The following PKHD1L1 variants were observed in gnomAD, a reference collection of about 807,000 sequenced individuals.
The protein encoded by PKHD1L1 is PKHD1 like 1.
A neutral mutation model predicts 462.9 loss-of-function variants in PKHD1L1; 434 were observed. The ratio of observed to expected loss-of-function variants is 0.94; its 90% CI spans 0.87 to 1.02. The LOEUF (loss-of-function observed/expected upper bound fraction) is 1.02. PKHD1L1 is among the 50% of genes least tolerant of loss of function. PKHD1L1 has a pLI of 0.00. For missense variants in PKHD1L1, 5,202 were observed against 5,096.1 expected, an observed-to-expected ratio of 1.02 and a Z score of -0.63; for synonymous variants, 1,781 against 1,750.0, an observed-to-expected ratio of 1.02 and a Z score of -0.44.
chr8:109,526,682 G>A, intron 76 of PKHD1L1, 102 bp from the exon 77 acceptor site: 1 of 976,522 alleles, frequency 1.0e-6, no homozygotes, highest in African/African-American at 1.7e-5. Flanking sequence ...ATTTCATCAG[G>A]ATCTATATAG....
At chr8:109,499,088 C>T (rs959604501) in intron 67 of PKHD1L1, 1 of 227,944 alleles carries the variant, frequency 4.4e-6, no homozygotes, top group African/African-American at 2.3e-5. Flanking sequence ...ATATTATCAT[C>T]CCTTTTTAAA....
At chr8:109,505,092 G>T (rs1478081051) in intron 68 of PKHD1L1, among the ~76,000 whole-genome samples, 1 of 151,812 alleles carries the variant, frequency 6.6e-6, no homozygotes, top group Non-Finnish European at 1.5e-5. Flanking sequence ...GTCTTTCTAT[G>T]TTTCCCAGGC....
intron 40 of PKHD1L1, among the ~76,000 whole-genome samples, chr8:109,450,586 C>T (rs115973936): frequency 0.024 from 3,619 of 152,186 alleles, 132 homozygotes; most frequent in African/African-American, 0.083. Flanking sequence ...TTTCTGTAGT[C>T]CTTGTCTCTG....
chr8:109,461,135 T>A (rs1817098366), intron 47 of PKHD1L1, among the ~76,000 whole-genome samples: 1 of 152,214 alleles, frequency 6.6e-6, no homozygotes, highest in African/African-American at 2.4e-5. Flanking sequence ...TACATGTCTC[T>A]TTTAAATTTT....
At chr8:109,378,644 GC>G (rs1411454958) in intron 2 of PKHD1L1, among the ~76,000 whole-genome samples, 6 of 152,164 alleles carry the variant, frequency 3.9e-5, no homozygotes, top group Non-Finnish European at 8.8e-5. Context: ...CTGCAAAGTG[GC>G]CCTAAGGCTC....
chr8:109,383,723 A>G lies in PKHD1L1; in HGVS notation c.418-347A>G, dbSNP rs575805240. Among the ~76,000 whole-genome samples the G allele has an allele frequency of 1.0e-3, 153 of 151,774 alleles. 1 individual carries two copies. Among genetic ancestry groups the G allele is most frequent in the African/African-American group, 3.6e-3 (151 of 41,414 alleles). On this transcript the variant is annotated intron_variant, in intron 4 of 77. Transcript: ENST00000378402. ...TTGGTTTTCTGGTATGTCACACCTA[A>G]ATGGTCTTAAAGCGACCTAAATTGA...
chr8:109,470,597 T>C, intron 50 of PKHD1L1: 4 of 1,582,976 alleles, frequency 2.5e-6, no homozygotes, highest in South Asian at 1.2e-5. Context: ...ACTGATGTTG[T>C]TGATAAATTA....
At chr8:109,513,678 C>G (rs113563036) in intron 71 of PKHD1L1, among the ~76,000 whole-genome samples, 3 of 152,010 alleles carry the variant, frequency 2.0e-5, no homozygotes, top group African/African-American at 7.2e-5. Flanking sequence ...CAGCCCCTTC[C>G]CAGGAGACAG....
rs1287494573 is a variant in PKHD1L1 at position 109,444,986 on chromosome 8, A to C, written c.5117A>C (p.Asn1706Thr). Residue 1706 changes from asparagine (N) to threonine (T), a missense_variant, in exon 38 of 78, where the codon AAT becomes ACT. This residue lies in a region of PKHD1L1 where 4,497 missense variants were observed against 4,336.8 expected (regional missense o/e 1.04). Transcript: ENST00000378402. ...TTCCCATGTAAAGTTCTATCAGTGA[A>C]TTATACGGCCATTGAATGTGAAACA... ...GHFPCKVLSV[N>T]YTAIECETSP... 6.2e-7 allele frequency: 1 copy of C among 1,614,000 alleles called. No homozygotes were observed. The highest frequency in any genetic ancestry group is 1.3e-5 in the African/African-American group (1 of 75,058).
At chr8:109,519,978 G>GGTTTGCTTCTAGGCA (rs1174432504) in intron 73 of PKHD1L1, among the ~76,000 whole-genome samples, 4 of 152,070 alleles carry the variant, frequency 2.6e-5, no homozygotes, top group Non-Finnish European at 5.9e-5. Flanking sequence ...TTTCCCAAGA[G>GGTTTGCTTCTAGGCA]GTTTGCTTCT....
rs774039471 is a variant in PKHD1L1, at chr8:109,504,513, G to C, written c.10994+21G>C. The C allele has an allele frequency of 1.1e-5, 16 of 1,392,106 alleles. No individual in the cohort carries two copies. In the South Asian group the frequency reaches 2.2e-4, roughly 19 times the overall value. The allele number at this position is 1,392,106 out of a possible 1,614,324, so 86.2% of individuals were successfully genotyped here. A position where few individuals can be genotyped will look rare whatever the true frequency, so the allele number is the denominator to read the frequency against. On this transcript the variant is annotated intron_variant, in intron 68 of 77. Transcript: ENST00000378402. ...ATAAGGTAAAATACATAAAAATTGTGGTTTTTCTATCTTTATAGTTTTTCA... is the reference window on the plus strand; with the variant it reads ...ATAAGGTAAAATACATAAAAATTGTCGTTTTTCTATCTTTATAGTTTTTCA...
rs1815020313 is a variant in PKHD1L1, at chr8:109,430,217, T to A, written c.3229+180T>A. 2.6e-5 allele frequency among the ~76,000 whole-genome samples: 4 copies of A among 152,132 alleles called. No individual in the cohort carries two copies. The South Asian group carries it at 8.3e-4, about 32-fold the overall frequency. On this transcript the variant is annotated intron_variant, in intron 27 of 77. Coordinates refer to ENST00000378402, the MANE Select transcript of PKHD1L1 (RefSeq NM_177531.6). Reference sequence around the variant, plus strand: ...AAAAAACTATGGAAAGGGCACTAATTATTTATTTTTGAAAAAAAAATATTT... The same window carrying A: ...AAAAAACTATGGAAAGGGCACTAATAATTTATTTTTGAAAAAAAAATATTT...
Position 109,522,192 on chromosome 8 carries a change from T to G in PKHD1L1, c.12038T>G (p.Met4013Arg), listed in dbSNP as rs200294629. Reference sequence around the variant, plus strand: ...ATAATACTTTTCCCCATAGGTCAGATGCAGTTATCTGAACTCCAGGAAATT... The same window carrying G: ...ATAATACTTTTCCCCATAGGTCAGAGGCAGTTATCTGAACTCCAGGAAATT... Reference protein sequence around the residue: ...QFISNGTTGQMQLSELQEIAG... With the variant: ...QFISNGTTGQRQLSELQEIAG... Residue 4013 changes from methionine to arginine, a missense_variant, in exon 74 of 78, where the codon ATG becomes AGG. Met to Arg is a moderately conservative substitution (Grantham distance 91). Around this residue, in one of 3 missense-constraint regions of PKHD1L1, gnomAD observed 698 missense variants for 736.3 expected, o/e 0.95. Transcript: ENST00000378402. The G allele has an allele frequency of 3.1e-6, 5 of 1,599,630 alleles. No homozygotes were observed. Among genetic ancestry groups the G allele is most frequent in the Non-Finnish European group, 4.3e-6 (5 of 1,168,100 alleles).
intron 21 of PKHD1L1, among the ~76,000 whole-genome samples, chr8:109,417,763 G>A (rs1485753151): frequency 6.6e-6 from 1 of 152,030 alleles, no homozygotes; most frequent in African/African-American, 2.4e-5. Context: ...TATTGGTCAG[G>A]CTGGTCTCGA....
In PKHD1L1 at chr8:109,438,415, C is replaced by A; in HGVS notation, c.3719C>A (p.Pro1240Gln). The change falls in exon 31 of 78, where the codon CCA becomes CAA. Residue 1240 changes from proline to glutamine, a missense_variant. By Grantham distance (76) the Pro-to-Gln change is moderately conservative. Transcript: ENST00000378402. ...TTTAGTTATAATTGTTTACAGACAC[C>A]AATTATAACTGATTTTAGTCCAAAA... ...DAFSYNCLQT[P>Q]IITDFSPKVR... 13 of 1,539,166 alleles carry A rather than the reference C, an allele frequency of 8.4e-6. No individual in the cohort carries two copies. Among genetic ancestry groups the A allele is most frequent in the Non-Finnish European group, 1.1e-5 (13 of 1,139,644 alleles).
At position 109,454,856 on chromosome 8, in the gene PKHD1L1, C is replaced by G; in HGVS notation, c.6874+4C>G. The stretch of plus-strand genomic sequence containing the variant: ...GAGGGAATCCTGGATCTGCACGGTA[C>G]TGTGGCCAAGTGGCTAAGGGAGTTG... On this transcript the variant is annotated splice_donor_region_variant and intron_variant, in intron 45 of 77. Coordinates refer to ENST00000378402, the MANE Select transcript of PKHD1L1 (RefSeq NM_177531.6). The G allele has an allele frequency of 1.2e-6, 2 of 1,611,626 alleles. No individual in the cohort carries two copies. The highest frequency in any genetic ancestry group is 2.2e-5 in the East Asian group (1 of 44,842).
At chr8:109,509,698 A>G (rs1819873284) in intron 70 of PKHD1L1, among the ~76,000 whole-genome samples, 1 of 151,780 alleles carries the variant, frequency 6.6e-6, no homozygotes, top group Non-Finnish European at 1.5e-5. Flanking sequence ...ATATTTCTTT[A>G]TGTTTGTTTT....
Position 109,439,024 on chromosome 8 carries a change from G to T in PKHD1L1, c.3888G>T (p.Leu1296Phe). 1 of 1,613,650 alleles carries T rather than the reference G, an allele frequency of 6.2e-7. No individual in the cohort carries two copies. The highest frequency in any genetic ancestry group is 8.5e-7 in the Non-Finnish European group (1 of 1,179,666). Residue 1296 changes from leucine (L) to phenylalanine (F), a missense_variant, in exon 32 of 78, where the codon TTG becomes TTT. This residue lies in a region of PKHD1L1 where 4,497 missense variants were observed against 4,336.8 expected (regional missense o/e 1.04). Coordinates refer to ENST00000378402, the MANE Select transcript of PKHD1L1 (RefSeq NM_177531.6). Reference sequence around the variant, plus strand: ...ACTTCACAGATATTAGATGCCTTTTGCCCAAGTTGTCTCCTGGAAAACATG... The same window carrying T: ...ACTTCACAGATATTAGATGCCTTTTTCCCAAGTTGTCTCCTGGAAAACATG... Reference protein sequence around the residue: ...HWNFTDIRCLLPKLSPGKHDI... With the variant: ...HWNFTDIRCLFPKLSPGKHDI...
chr8:109,536,716 C>G lies in PKHD1L1; in HGVS notation c.*6626C>G, dbSNP rs1357003935. ...TATTTTTCTTGATTTCTAACCAGGC[C>G]CCTTCTGAAGAAAACTGGTTAACTC... is the stretch of plus-strand genomic sequence containing the variant. On this transcript the variant is annotated 3_prime_UTR_variant, in exon 78 of 78. Transcript: ENST00000378402. 6.6e-6 allele frequency among the ~76,000 whole-genome samples: 1 copy of G among 151,980 alleles called. No homozygotes were observed. Among genetic ancestry groups the G allele is most frequent in the Non-Finnish European group, 1.5e-5 (1 of 68,024 alleles).
Sources: gnomAD v4.1 joint callset for allele counts (sites outside exome capture counted in the v4.1 genomes callset) on GRCh38, gnomAD v4.1.1 for gene constraint, gnomAD v4.1.1 regional missense constraint, MANE v1.5 for transcripts, NCBI Gene and HGNC (gene_info 2026-07-23, HGNC 2026-07-21) for gene names.